AXIN1: variants seen among roughly 807,000 people sequenced by gnomAD.
AXIN1 encodes the protein axin 1, also known as axin-1.
A neutral mutation model predicts 76.4 loss-of-function variants in AXIN1; 30 were observed. The observed-to-expected ratio is 0.39, with a 90% confidence interval of 0.29 to 0.53. The LOEUF is 0.53. Among genes scored for constraint, AXIN1 ranks in the 20% least tolerant of loss-of-function variants. The probability of loss-of-function intolerance (pLI) is 0.66; values close to 1 mark genes in which losing one functional copy is unlikely to be tolerated. For missense variants in AXIN1, 1,140 were observed against 1,198.8 expected (o/e 0.95, Z 0.72); for synonymous variants, 545 against 501.4 (o/e 1.09, Z -1.16).
chr16:311,963 T>C (rs1336516733), intron 3 of AXIN1, among the ~76,000 whole-genome samples: 1 of 152,162 alleles, frequency 6.6e-6, no homozygotes, highest in Non-Finnish European at 1.5e-5. Context: ...CCACTGAGTG[T>C]TGTGGGCAAT....
intron 5 of AXIN1, among the ~76,000 whole-genome samples, chr16:298,850 C>G (rs1191202229): frequency 1.3e-5 from 2 of 152,136 alleles, no homozygotes; most frequent in African/African-American, 2.4e-5. Flanking sequence ...CTCCCTGCAA[C>G]CTCTGCCTCC....
intron 2 of AXIN1, among the ~76,000 whole-genome samples, chr16:335,448 C>G (rs1476968288): frequency 6.6e-6 from 1 of 151,880 alleles, no homozygotes; most frequent in Non-Finnish European, 1.5e-5. Flanking sequence ...ACTAATTACA[C>G]AGCACCCAGT....
intron 4 of AXIN1, among the ~76,000 whole-genome samples, chr16:307,039 C>T (rs565772830): frequency 1.8e-4 from 27 of 152,356 alleles, no homozygotes; most frequent in East Asian, 3.9e-4. Context: ...CTGGGCAAGG[C>T]GCAGACGTGG....
intron 8 of AXIN1, 61 bp from the exon 9 acceptor site, chr16:291,358 C>A (rs1397244351): frequency 2.5e-5 from 35 of 1,401,930 alleles, no homozygotes; most frequent in Non-Finnish European, 2.8e-5. Flanking sequence ...GGGGAGGGAG[C>A]CTCGACCAAT....
At chr16:307,713 C>T (rs1045123178) in intron 4 of AXIN1, among the ~76,000 whole-genome samples, 2 of 152,224 alleles carry the variant, frequency 1.3e-5, no homozygotes, top group Non-Finnish European at 1.5e-5. Flanking sequence ...TCCCCTCCTG[C>T]TGTCCCTGCT....
intron 2 of AXIN1, among the ~76,000 whole-genome samples, chr16:318,688 C>A (rs559792244): frequency 1.3e-5 from 2 of 152,170 alleles, no homozygotes; most frequent in Non-Finnish European, 2.9e-5. Flanking sequence ...CCTATGGATG[C>A]GTGCTTTGTG....
At chr16:294,510 G>A (rs549466339) in intron 7 of AXIN1, among the ~76,000 whole-genome samples, 22 of 139,224 alleles carry the variant, frequency 1.6e-4, no homozygotes, top group Non-Finnish European at 3.3e-4. Context: ...ATCCCAGCAC[G>A]CTGGGAGGCC....
intron 7 of AXIN1, among the ~76,000 whole-genome samples, chr16:294,692 T>A: frequency 7.0e-6 from 1 of 142,850 alleles, no homozygotes; most frequent in Non-Finnish European, 1.5e-5. Context: ...GAGGTGGAGG[T>A]TGCAGTGCGT....
chr16:297,402 G>A (rs944429233), intron 6 of AXIN1, among the ~76,000 whole-genome samples, 176 bp from the exon 7 acceptor site: 19 of 142,604 alleles, frequency 1.3e-4, no homozygotes, highest in Admixed American at 6.3e-4. Flanking sequence ...TCCCCCACCC[G>A]CTGTCCCCTG....
intron 2 of AXIN1, among the ~76,000 whole-genome samples, chr16:320,248 G>A (rs1421337140): frequency 6.6e-6 from 1 of 152,086 alleles, no homozygotes; most frequent in Non-Finnish European, 1.5e-5. Flanking sequence ...GTCTCACTAT[G>A]TCACCCAGGC....
chr16:351,956 A>G (rs1252461668), intron 1 of AXIN1, among the ~76,000 whole-genome samples: 1 of 152,138 alleles, frequency 6.6e-6, no homozygotes, highest in Non-Finnish European at 1.5e-5. Flanking sequence ...GCAGCAAGGC[A>G]TCAACCTGGA....
intron 4 of AXIN1, among the ~76,000 whole-genome samples, chr16:307,484 A>G (rs2053058169): frequency 6.6e-6 from 1 of 152,248 alleles, no homozygotes; most frequent in Non-Finnish European, 1.5e-5. Context: ...GCATTCTGGT[A>G]CCAGATGCTG....
In AXIN1 at chr16:287,688, A is replaced by G; in HGVS notation, c.*434T>C. ...GCAAGAGACAAGCTGTGTTGAAGGC[A>G]CTCGGTGGCGCGTACAATTGACAGA... On this transcript the variant is annotated 3_prime_UTR_variant, in exon 11 of 11. Coordinates refer to ENST00000262320, the MANE Select transcript of AXIN1 (RefSeq NM_003502.4). 2 of 336,470 alleles carry G rather than the reference A, an allele frequency of 5.9e-6. No individual in the cohort carries two copies. The highest frequency in any genetic ancestry group is 8.9e-5 in the Admixed American group (2 of 22,366). The allele number at this position is 336,470 out of a possible 1,614,324, so 20.8% of individuals were successfully genotyped here.
intron 10 of AXIN1, among the ~76,000 whole-genome samples, chr16:288,574 G>A (rs769681594): frequency 4.5e-4 from 69 of 152,240 alleles, no homozygotes; most frequent in African/African-American, 1.0e-3. Context: ...GCTGAGCCCC[G>A]TCATGGAGGT....
chr16:341,670 C>A (rs950662833), intron 2 of AXIN1, among the ~76,000 whole-genome samples: 1 of 137,018 alleles, frequency 7.3e-6, no homozygotes, highest in Non-Finnish European at 1.5e-5. Context: ...CCTGCAACCC[C>A]GGTGCGGGAT....
chr16:289,417 G>A (rs749573209), intron 10 of AXIN1, 23 bp downstream of exon 10: 9 of 1,612,432 alleles, frequency 5.6e-6, no homozygotes, highest in Non-Finnish European at 7.6e-6. Context: ...GCGGGGAGGG[G>A]GCACCCCAGC....
In AXIN1 at chr16:309,281, A is replaced by G. The variant is rs569951627; in HGVS notation, c.1116+692T>C. 4.5e-4 allele frequency among the ~76,000 whole-genome samples: 65 copies of G among 143,292 alleles called. 1 individual carries two copies. Among genetic ancestry groups the G allele is most frequent in the African/African-American group, 1.7e-3 (62 of 37,514 alleles). 94.0% of individuals were successfully genotyped at this position (143,292 alleles called of 152,430 possible). On this transcript the variant is annotated intron_variant, in intron 4 of 10. Transcript: ENST00000262320. ...GGAGGCAGAGCTTGCAGTGACAGCA[A>G]AACTCCTATCTCAAAAAAAAAAAAA...
intron 3 of AXIN1, among the ~76,000 whole-genome samples, chr16:313,518 G>C (rs1484088998): frequency 2.6e-5 from 4 of 152,212 alleles, no homozygotes; most frequent in Non-Finnish European, 5.9e-5. Context: ...TGGTCCGCGG[G>C]CTCCAGCTGC....
At chr16:344,007 CAAA>C (rs35154860) in intron 2 of AXIN1, among the ~76,000 whole-genome samples, 2 of 129,774 alleles carry the variant, frequency 1.5e-5, no homozygotes, top group Non-Finnish European at 1.7e-5. Context: ...GACTCCATTT[CAAA>C]AAAAAAAAAA....
Sources: allele counts gnomAD v4.1 joint callset (sites outside exome capture counted in the v4.1 genomes callset), GRCh38; gene constraint gnomAD v4.1.1; transcripts MANE v1.5; gene names NCBI Gene and HGNC (gene_info 2026-07-23, HGNC 2026-07-21).